CD300LD: variants seen among roughly 807,000 people sequenced by gnomAD.
CD300LD encodes the protein CD300 molecule like family member d.
A neutral mutation model predicts 20.3 loss-of-function variants in CD300LD; 18 were observed. That is an observed-to-expected ratio of 0.89 (90% CI 0.61 to 1.32). CD300LD has a LOEUF of 1.32. CD300LD is among the 40% of genes most tolerant of loss of function. The pLI, the probability that CD300LD is intolerant of heterozygous loss-of-function variation, is 0.00. For missense variants in CD300LD, 195 were observed against 226.6 expected (o/e 0.86, Z 0.90); for synonymous variants, 104 against 90.1 (o/e 1.15, Z -0.87).
At chr17:74,586,070 G>A (rs1038225197) in intron 2 of CD300LD, among the ~76,000 whole-genome samples, 4 of 152,192 alleles carry the variant, frequency 2.6e-5, no homozygotes, top group South Asian at 4.1e-4. Flanking sequence ...GATTACAAGA[G>A]GCGGTGAAGC....
chr17:74,592,074 C>T lies in CD300LD; in HGVS notation c.40+89G>A, dbSNP rs112399930. 3,696 of 1,612,018 alleles carry T rather than the reference C, an allele frequency of 2.3e-3. 82 individuals carry two copies. In the African/African-American group the frequency reaches 0.043, roughly 19 times the overall value. On this transcript the variant is annotated intron_variant, in intron 1 of 3. Coordinates refer to ENST00000375352, the MANE Select transcript of CD300LD (RefSeq NM_001115152.2). ...GGATGAATTGGCGCTGTCATTTTCC[C>T]TGACATGTCTCCTTCCTGAGAACAG...
chr17:74,589,627 A>G (rs540750149), intron 1 of CD300LD, among the ~76,000 whole-genome samples: 1 of 152,348 alleles, frequency 6.6e-6, no homozygotes, highest in East Asian at 1.9e-4. Context: ...AGTCTCCATG[A>G]ACTTGTCAGC....
At chr17:74,580,279 G>A (rs1186441022) in intron 3 of CD300LD, among the ~76,000 whole-genome samples, 166 bp from the exon 4 acceptor site, 4 of 152,158 alleles carry the variant, frequency 2.6e-5, no homozygotes, top group Admixed American at 6.5e-5. Context: ...GCTCACCAGC[G>A]AGGCTCCCAG....
Position 74,589,525 on chromosome 17 carries a change from C to T in CD300LD, c.41-676G>A, listed in dbSNP as rs2030256214. On this transcript the variant is annotated intron_variant, in intron 1 of 3. Transcript: ENST00000375352. ...TGCATCTTATAAGTTCTTCTCTAAACATAATGGACATGATTCAAGTCAGTT... is the reference window on the plus strand; with the variant it reads ...TGCATCTTATAAGTTCTTCTCTAAATATAATGGACATGATTCAAGTCAGTT... Among the ~76,000 whole-genome samples the T allele has an allele frequency of 2.0e-5, 3 of 152,314 alleles. No homozygotes were observed. In the South Asian group the frequency reaches 6.2e-4, roughly 32 times the overall value.
chr17:74,588,430 G>A (rs2030219306), intron 2 of CD300LD, 81 bp downstream of exon 2: 2 of 875,938 alleles, frequency 2.3e-6, no homozygotes, highest in Non-Finnish European at 3.7e-6. Flanking sequence ...CTGAGTGACA[G>A]TTAATTTACT....
Position 74,588,398 on chromosome 17 carries a change from A to G in CD300LD, c.379+113T>C. On this transcript the variant is annotated intron_variant, in intron 2 of 3. Coordinates refer to ENST00000375352, the MANE Select transcript of CD300LD (RefSeq NM_001115152.2). ...ACCATAGCAAGACCTCAGGACTCAG[A>G]CACCCTCTGTCACAGGTCACTCTGA... 3 of 690,052 alleles carry G rather than the reference A, an allele frequency of 4.3e-6. No homozygotes were observed. The South Asian group carries it at 5.7e-5, about 13-fold the overall frequency. The allele number at this position is 690,052 out of a possible 1,614,324, so 42.7% of individuals were successfully genotyped here. A position where few individuals can be genotyped will look rare whatever the true frequency, so the allele number is the denominator to read the frequency against.
chr17:74,587,373 C>T (rs572384048), intron 2 of CD300LD, among the ~76,000 whole-genome samples: 64 of 152,164 alleles, frequency 4.2e-4, no homozygotes, highest in Admixed American at 6.5e-4. Flanking sequence ...AAGTTGTTTA[C>T]GACACATATT....
chr17:74,588,708 C>T lies in CD300LD; in HGVS notation c.182G>A (p.Cys61Tyr). 6.2e-7 allele frequency: 1 copy of T among 1,614,194 alleles called. No individual in the cohort carries two copies. The highest frequency in any genetic ancestry group is 8.5e-7 in the Non-Finnish European group (1 of 1,180,022). ...TCCATTTGTTTTAACAAGGATGTTA[C>T]AGTAATTCCAATCAGCTCCTTGACA... ...WRCQGADWNY[C>Y]NILVKTNGSE... The change falls in exon 2 of 4, where the codon TGT becomes TAT. Residue 61 changes from cysteine to tyrosine, a missense_variant. Transcript: ENST00000375352.
At chr17:74,584,429 G>A (rs142822629) in intron 2 of CD300LD, among the ~76,000 whole-genome samples, 77 of 152,246 alleles carry the variant, frequency 5.1e-4, no homozygotes, top group African/African-American at 1.7e-3. Context: ...CTATATGAGC[G>A]AACAGAAAAC....
intron 2 of CD300LD, among the ~76,000 whole-genome samples, chr17:74,582,680 C>G (rs1455971374): frequency 6.6e-6 from 1 of 152,226 alleles, no homozygotes; most frequent in African/African-American, 2.4e-5. Flanking sequence ...GCTGGTGGCC[C>G]CCTCGCTGAG....
rs571248364 is a variant in CD300LD, at chr17:74,582,295, G to T, written c.396C>A (p.Val132=). The stretch of plus-strand genomic sequence containing the variant: ...TTGCTGTTGTGGTTGTCCATTCTGA[G>T]ACTGCAGTTTGTGTGCCTAAACATA... ...VTINPGTQTA[V]SEWTTTTASL... Residue 132 remains valine, a synonymous_variant, in exon 3 of 4, where the codon GTC becomes GTA. Coordinates refer to ENST00000375352, the MANE Select transcript of CD300LD (RefSeq NM_001115152.2). The T allele has an allele frequency of 1.9e-6, 3 of 1,613,688 alleles. No homozygotes were observed. In the South Asian group the frequency reaches 3.3e-5, roughly 18 times the overall value.
chr17:74,592,193 A>T lies in CD300LD; in HGVS notation c.10T>A (p.Ser4Thr). The part of the protein sequence containing the change: MWL[S>T]PSLLLLILPG... ...AGGATGAGAAGCAGCAGAGATGGGG[A>T]CAGCCACATGGTCCTGTCTCCTCTC... Residue 4 changes from serine (S) to threonine (T), a missense_variant, in exon 1 of 4, where the codon TCC becomes ACC. Coordinates refer to ENST00000375352, the MANE Select transcript of CD300LD (RefSeq NM_001115152.2). 6.2e-7 allele frequency: 1 copy of T among 1,614,142 alleles called. No homozygotes were observed. The highest frequency in any genetic ancestry group is 1.7e-5 in the Admixed American group (1 of 60,018).
chr17:74,580,064 G>A lies in CD300LD; in HGVS notation c.523C>T (p.Pro175Ser). 2 of 1,613,556 alleles carry A rather than the reference G, an allele frequency of 1.2e-6. No individual in the cohort carries two copies. Among genetic ancestry groups the A allele is most frequent in the Non-Finnish European group, 1.7e-6 (2 of 1,179,742 alleles). The part of the protein sequence containing the change: ...HFLFLFLLEL[P>S]LLLSMLGTVL... ...GTCCCCAGCATGCTCAGGAGCAGAG[G>A]CAGCTCCAGGAGGAACAGGAACAGG... The change falls in exon 4 of 4, where the codon CCT (proline) becomes TCT (serine). Residue 175 changes from proline (P) to serine (S), a missense_variant. Transcript: ENST00000375352.
chr17:74,592,080 T>C (rs2030333576), intron 1 of CD300LD, 83 bp downstream of exon 1: 5 of 1,612,990 alleles, frequency 3.1e-6, no homozygotes, highest in Non-Finnish European at 3.4e-6. Flanking sequence ...TTCCCTGACA[T>C]GTCTCCTTCC....
intron 3 of CD300LD, among the ~76,000 whole-genome samples, chr17:74,580,802 G>A (rs775835754): frequency 6.6e-6 from 1 of 151,170 alleles, no homozygotes; most frequent in Non-Finnish European, 1.5e-5. Context: ...GTGGTGGTTC[G>A]CACGTGTAAT....
chr17:74,582,328 G>A lies in CD300LD; in HGVS notation c.380-17C>T, dbSNP rs375309857. The A allele has an allele frequency of 7.0e-5, 112 of 1,608,140 alleles. No homozygotes were observed. Among genetic ancestry groups the A allele is most frequent in the Non-Finnish European group, 9.4e-5 (110 of 1,175,588 alleles). On this transcript the variant is annotated splice_polypyrimidine_tract_variant and intron_variant, in intron 2 of 3. Transcript: ENST00000375352. ...TTTGTGTGCCTAAACATACAAAGCA[G>A]AACACGGTTCACCCCTTCCATGGAT...
rs372413183 is a variant in CD300LD at position 74,580,900 on chromosome 17, TA to T, written c.474-788del. On this transcript the variant is annotated intron_variant, in intron 3 of 3. Transcript: ENST00000375352. ...GGGCAACATATTGAGGCCCCATCTC[TA>T]AAAAAAAAAAAAAAAAAGACAGAAA... Among the ~76,000 whole-genome samples, 1,055 of 123,402 alleles carry T rather than the reference TA, an allele frequency of 8.5e-3. 7 individuals are homozygous for T. Among genetic ancestry groups the T allele is most frequent in the African/African-American group, 0.015 (533 of 35,974 alleles). 81.0% of individuals were successfully genotyped at this position (123,402 alleles called of 152,430 possible).
intron 2 of CD300LD, among the ~76,000 whole-genome samples, chr17:74,583,969 G>T (rs2030095815): frequency 6.6e-6 from 1 of 151,738 alleles, no homozygotes; most frequent in Admixed American, 6.6e-5. Flanking sequence ...GGCTAGGCTG[G>T]TCTCAAACTC....
chr17:74,589,531 G>A (rs2030256346), intron 1 of CD300LD, among the ~76,000 whole-genome samples: 1 of 152,154 alleles, frequency 6.6e-6, no homozygotes, highest in Non-Finnish European at 1.5e-5. Context: ...TAAACATAAT[G>A]GACATGATTC....
Sources: allele counts gnomAD v4.1 joint callset (sites outside exome capture counted in the v4.1 genomes callset), GRCh38; gene constraint gnomAD v4.1.1; transcripts MANE v1.5; gene names NCBI Gene and HGNC (gene_info 2026-07-23, HGNC 2026-07-21).